Variants in NRXN3 observed in about 807,000 individuals in gnomAD.
The protein encoded by NRXN3 is neurexin 3.
NRXN3 carries 32 observed loss-of-function variants against 137.6 expected under a neutral mutation model. That is an observed-to-expected ratio of 0.23 (90% CI 0.18 to 0.31). The LOEUF (loss-of-function observed/expected upper bound fraction) is 0.31. NRXN3 is among the 10% of genes least tolerant of loss of function. The pLI, the probability that NRXN3 is intolerant of heterozygous loss-of-function variation, is 1.00. For synonymous variants in NRXN3, 798 were observed against 784.5 expected (o/e 1.02, Z -0.29); for missense variants, 1,574 against 2,062.5 (o/e 0.76, Z 4.59).
In NRXN3 at chr14:78,573,560, A is replaced by G. The variant is rs2096908940; in HGVS notation, c.758-71560A>G. On this transcript the variant is annotated intron_variant, in intron 4 of 20. Coordinates refer to ENST00000335750, the MANE Select transcript of NRXN3 (RefSeq NM_001330195.2). ...AATTTGCATTTCACCCCTGCCCTAG[A>G]CATCTATGGAACTTTGAACTTGAGA... Among the ~76,000 whole-genome samples the G allele has an allele frequency of 2.0e-5, 3 of 152,328 alleles. No homozygotes were observed. In the South Asian group the frequency reaches 6.2e-4, roughly 32 times the overall value.
intron 6 of NRXN3, among the ~76,000 whole-genome samples, chr14:78,677,016 A>G (rs1255039173): frequency 2.0e-5 from 3 of 152,188 alleles, no homozygotes; most frequent in African/African-American, 7.2e-5. Flanking sequence ...ATTACTGTTC[A>G]TCGACAATGC....
At chr14:78,607,566 G>T (rs1008631327) in intron 4 of NRXN3, among the ~76,000 whole-genome samples, 3 of 152,188 alleles carry the variant, frequency 2.0e-5, no homozygotes, top group African/African-American at 7.2e-5. Flanking sequence ...TATTTGCCTG[G>T]TGCTGTGCTA....
At chr14:78,978,412 T>A (rs910292721) in intron 14 of NRXN3, among the ~76,000 whole-genome samples, 1 of 152,146 alleles carries the variant, frequency 6.6e-6, no homozygotes, top group African/African-American at 2.4e-5. Flanking sequence ...TCACTTGACA[T>A]TTTTAAGTGA....
At chr14:78,370,174 T>C (rs1310941941) in intron 4 of NRXN3, among the ~76,000 whole-genome samples, 2 of 152,210 alleles carry the variant, frequency 1.3e-5, no homozygotes, top group East Asian at 3.9e-4. Flanking sequence ...CATTTCCTTG[T>C]CCCCAGTCCA....
chr14:78,185,220 G>C (rs528804978), intron 1 of NRXN3, among the ~76,000 whole-genome samples: 7 of 152,252 alleles, frequency 4.6e-5, no homozygotes, highest in Admixed American at 3.3e-4. Context: ...AGGAGGCCTC[G>C]ATCTATTATA....
chr14:78,777,201 A>G (rs1311287310), intron 8 of NRXN3, among the ~76,000 whole-genome samples: 4 of 152,182 alleles, frequency 2.6e-5, no homozygotes, highest in African/African-American at 9.7e-5. Flanking sequence ...CAGAGTCTCC[A>G]TAGAGCCTTA....
chr14:78,792,734 C>T (rs2153055767), intron 8 of NRXN3, among the ~76,000 whole-genome samples: 1 of 152,226 alleles, frequency 6.6e-6, no homozygotes, highest in Middle Eastern at 3.4e-3. Context: ...AGATTGCTGG[C>T]ATTATACAAT....
intron 15 of NRXN3, among the ~76,000 whole-genome samples, chr14:79,350,480 CA>C (rs2093151223): frequency 6.6e-6 from 1 of 152,096 alleles, no homozygotes. Context: ...ACACTTGGAC[CA>C]AAGGTGATTT....
intron 4 of NRXN3, among the ~76,000 whole-genome samples, chr14:78,644,287 G>A (rs1035980492): frequency 1.3e-5 from 2 of 152,108 alleles, no homozygotes; most frequent in African/African-American, 4.8e-5. Context: ...TGTCTTGAAA[G>A]AGTATATGGG....
chr14:79,250,919 A>G (rs898259870), intron 15 of NRXN3, among the ~76,000 whole-genome samples: 8 of 152,228 alleles, frequency 5.3e-5, no homozygotes, highest in African/African-American at 1.7e-4. Context: ...ACTTGACACA[A>G]TGTCCATCAA....
rs181254543 is a variant in NRXN3 at position 79,416,220 on chromosome 14, C to T, written c.3263-51001C>T. On this transcript the variant is annotated intron_variant, in intron 15 of 20. Coordinates refer to ENST00000335750, the MANE Select transcript of NRXN3 (RefSeq NM_001330195.2). ...CTTTTCTTTTAAACCTCCTGGCAAC[C>T]TTCTCTTTTGCTGCCTGGTCAACAA... 2.6e-4 allele frequency among the ~76,000 whole-genome samples: 40 copies of T among 152,186 alleles called. No homozygotes were observed. In the East Asian group the frequency reaches 6.6e-3, roughly 25 times the overall value.
chr14:78,713,318 G>C (rs148546342), intron 7 of NRXN3, among the ~76,000 whole-genome samples: 73 of 152,172 alleles, frequency 4.8e-4, no homozygotes, highest in Admixed American at 1.4e-3. Context: ...CTCTATTCTA[G>C]CCACACATCT....
At chr14:78,913,434 C>T (rs1372688348) in intron 10 of NRXN3, among the ~76,000 whole-genome samples, 1 of 151,808 alleles carries the variant, frequency 6.6e-6, no homozygotes, top group Non-Finnish European at 1.5e-5. Context: ...TGTGCACCAC[C>T]ATGCCCAGCT....
chr14:78,303,623 A>G (rs1020293946), intron 4 of NRXN3, among the ~76,000 whole-genome samples: 9 of 152,030 alleles, frequency 5.9e-5, no homozygotes, highest in African/African-American at 1.9e-4. Context: ...CTGCCCACCT[A>G]TCACCCCTGC....
intron 15 of NRXN3, among the ~76,000 whole-genome samples, chr14:79,176,513 T>C (rs113986651): frequency 1.0e-3 from 156 of 152,334 alleles, no homozygotes; most frequent in African/African-American, 3.5e-3. Context: ...CCCTTGCTTA[T>C]TATTTCAGTC....
intron 1 of NRXN3, among the ~76,000 whole-genome samples, chr14:78,232,167 C>T (rs2065510832): frequency 6.6e-6 from 1 of 152,274 alleles, no homozygotes; most frequent in East Asian, 1.9e-4. Context: ...GCCCCACATT[C>T]ACCCTGTGGT....
intron 10 of NRXN3, among the ~76,000 whole-genome samples, chr14:78,943,514 A>G (rs2099357163): frequency 6.7e-6 from 1 of 149,318 alleles, no homozygotes. Flanking sequence ...AGGCAGGGTT[A>G]TGAGGAGGGC....
rs577720438 is a variant in NRXN3, at chr14:79,004,245, A to C, written c.3262+16104A>C. 2.6e-5 allele frequency among the ~76,000 whole-genome samples: 4 copies of C among 152,238 alleles called. No homozygotes were observed. In the East Asian group the frequency reaches 7.7e-4, roughly 29 times the overall value. ...GCCTTTGCATGGTGTTCATATAAATAGTGTTGATAATTTCTTTCTTTCTTT... is the reference window on the plus strand; with the variant it reads ...GCCTTTGCATGGTGTTCATATAAATCGTGTTGATAATTTCTTTCTTTCTTT... On this transcript the variant is annotated intron_variant, in intron 15 of 20. Transcript: ENST00000335750.
intron 8 of NRXN3, among the ~76,000 whole-genome samples, chr14:78,756,405 T>G (rs1021186928): frequency 2.0e-5 from 3 of 151,964 alleles, no homozygotes; most frequent in African/African-American, 7.3e-5. Context: ...GGAGAATCAC[T>G]TAAACCAGGG....
Sources: gnomAD v4.1 joint callset for allele counts (sites outside exome capture counted in the v4.1 genomes callset) on GRCh38, gnomAD v4.1.1 for gene constraint, MANE v1.5 for transcripts, NCBI Gene and HGNC (gene_info 2026-07-23, HGNC 2026-07-21) for gene names.